Variants in CLDN14 observed in about 807,000 individuals in gnomAD.
CLDN14 encodes claudin-14.
Under a neutral mutation model 2.1 loss-of-function variants are expected in CLDN14, and 2 were observed. That is an observed-to-expected ratio of 0.96 (90% CI 0.39 to 3.01). The LOEUF (loss-of-function observed/expected upper bound fraction) is 3.01. Among genes scored for constraint, CLDN14 ranks in the 30% most tolerant of loss-of-function variants. The pLI is 0.09. For synonymous variants in CLDN14, 136 were observed against 154.4 expected, an observed-to-expected ratio of 0.88 and a Z score of 0.88; for missense variants, 298 against 328.0, an observed-to-expected ratio of 0.91 and a Z score of 0.71.
intron 1 of CLDN14, chr21:36,542,930 T>C (rs1016590355): frequency 6.6e-6 from 1 of 152,608 alleles, no homozygotes; most frequent in Non-Finnish European, 1.5e-5. Context: ...CAAAATGCCT[T>C]GCAGCCTTGC....
chr21:36,464,080 C>T (rs219767), intron 1 of CLDN14, among the ~76,000 whole-genome samples: 33,620 of 151,994 alleles, frequency 0.22, 3,979 homozygotes, highest in African/African-American at 0.26. Context: ...AAATGAATCA[C>T]GGGGGTGGAC....
rs552598214 is a variant in CLDN14, at chr21:36,479,064, G to A, written c.-82+431C>T. ...AGAATGTTCCCAAGTCTGGAAACTC[G>A]GAACAGTCTGCCTGGCCCTCTTTGC... is the stretch of plus-strand genomic sequence containing the variant. On this transcript the variant is annotated intron_variant, in intron 1 of 1. Transcript: ENST00000399135. 7.2e-5 allele frequency among the ~76,000 whole-genome samples: 11 copies of A among 152,240 alleles called. No homozygotes were observed. The South Asian group carries it at 1.5e-3, about 20-fold the overall frequency.
intron 1 of CLDN14, among the ~76,000 whole-genome samples, chr21:36,524,537 A>G (rs944644407): frequency 9.2e-5 from 14 of 152,184 alleles, no homozygotes; most frequent in South Asian, 2.1e-4. Flanking sequence ...TCATGATATC[A>G]AGTGAGGCAG....
intron 1 of CLDN14, among the ~76,000 whole-genome samples, chr21:36,554,287 C>T (rs1601635053): frequency 6.6e-6 from 1 of 152,220 alleles, no homozygotes; most frequent in South Asian, 2.1e-4. Context: ...GCAGCTCCTG[C>T]TCATTCATTC....
At chr21:36,485,512 G>A (rs1298127491) in intron 2 of CLDN14, among the ~76,000 whole-genome samples, 2 of 152,108 alleles carry the variant, frequency 1.3e-5, no homozygotes, top group Non-Finnish European at 2.9e-5. Context: ...CCTGGCCAAG[G>A]CTCTGATTTT....
At chr21:36,523,789 A>G (rs4816542) in intron 1 of CLDN14, among the ~76,000 whole-genome samples, 8,539 of 16,350 alleles carry the variant, frequency 0.52, 1,309 homozygotes, top group South Asian at 0.59. Context: ...GAGAGAAAGA[A>G]AGAAAGAAAG....
At chr21:36,500,334 A>G (rs2087082202) in intron 2 of CLDN14, among the ~76,000 whole-genome samples, 2 of 152,224 alleles carry the variant, frequency 1.3e-5, no homozygotes, top group African/African-American at 2.4e-5. Context: ...TGCAGCCCGA[A>G]TAACAGTGAC....
At chr21:36,568,250 C>A (rs995746649) in intron 1 of CLDN14, among the ~76,000 whole-genome samples, 4 of 152,172 alleles carry the variant, frequency 2.6e-5, no homozygotes, top group South Asian at 2.1e-4. Flanking sequence ...TTCTACTTGA[C>A]CTGTGTGACC....
chr21:36,561,974 C>CAAAAAAATCCTGTTTTGCTGCA (rs1555855609), intron 1 of CLDN14, among the ~76,000 whole-genome samples: 18 of 152,244 alleles, frequency 1.2e-4, no homozygotes, highest in South Asian at 4.2e-4. Context: ...TGTTTTGCTG[C>CAAAAAAATCCTGTTTTGCTGCA]AAAAAAATCC....
intron 2 of CLDN14, chr21:36,486,412 G>T: frequency 8.1e-7 from 1 of 1,235,736 alleles, no homozygotes; most frequent in Non-Finnish European, 1.2e-6. Context: ...TCCTCATCCT[G>T]CCGCTGCTGC....
intron 2 of CLDN14, chr21:36,510,243 C>T (rs1454497469): frequency 6.6e-6 from 1 of 152,236 alleles, no homozygotes; most frequent in Admixed American, 6.5e-5. Context: ...TATTTTCTTT[C>T]CTTTTGGCCA....
intron 2 of CLDN14, chr21:36,486,897 G>A: frequency 7.7e-6 from 5 of 653,486 alleles, no homozygotes; most frequent in South Asian, 7.4e-5. Context: ...TGCGGCCGGT[G>A]TCTAGAGTGA....
At chr21:36,526,000 C>G (rs1406399617) in intron 1 of CLDN14, among the ~76,000 whole-genome samples, 1 of 152,142 alleles carries the variant, frequency 6.6e-6, no homozygotes, top group Non-Finnish European at 1.5e-5. Flanking sequence ...TTGGCGGGTC[C>G]AGCCTCTGCG....
chr21:36,494,826 C>T (rs780759142), intron 2 of CLDN14, among the ~76,000 whole-genome samples: 3 of 152,198 alleles, frequency 2.0e-5, no homozygotes, highest in Non-Finnish European at 4.4e-5. Flanking sequence ...GTTGTTTAAG[C>T]CGCCCTGTCT....
chr21:36,506,672 G>A (rs927777847), intron 2 of CLDN14, among the ~76,000 whole-genome samples: 4 of 152,004 alleles, frequency 2.6e-5, no homozygotes, highest in South Asian at 4.1e-4. Flanking sequence ...ACAAAAAGCC[G>A]TTCACAGCGA....
intron 1 of CLDN14, among the ~76,000 whole-genome samples, chr21:36,464,953 C>T (rs929406657): frequency 1.8e-4 from 27 of 152,320 alleles, no homozygotes; most frequent in Admixed American, 1.6e-3. Flanking sequence ...GATTCTCCTT[C>T]CCACAGAGAT....
At chr21:36,568,053 G>A (rs2087685292) in intron 1 of CLDN14, among the ~76,000 whole-genome samples, 1 of 152,180 alleles carries the variant, frequency 6.6e-6, no homozygotes, top group Admixed American at 6.5e-5. Flanking sequence ...ACCGGGAATG[G>A]TTCGGAGAAG....
At chr21:36,527,782 C>T (rs1311994240) in intron 1 of CLDN14, among the ~76,000 whole-genome samples, 1 of 151,850 alleles carries the variant, frequency 6.6e-6, no homozygotes, top group Admixed American at 6.6e-5. Context: ...AATCTAATGT[C>T]CTAATTTCTT....
intron 1 of CLDN14, among the ~76,000 whole-genome samples, chr21:36,560,754 T>C (rs2087628919): frequency 6.6e-6 from 1 of 152,238 alleles, no homozygotes; most frequent in African/African-American, 2.4e-5. Context: ...AATTCAGATG[T>C]GCAGAAAATG....
Sources: allele counts gnomAD v4.1 joint callset (sites outside exome capture counted in the v4.1 genomes callset), GRCh38; gene constraint gnomAD v4.1.1; transcripts MANE v1.5; gene names NCBI Gene and HGNC (gene_info 2026-07-23, HGNC 2026-07-21).